The following CNTNAP2 variants were observed in gnomAD, a reference collection of about 807,000 sequenced individuals.
CNTNAP2 encodes contactin associated protein 2.
In CNTNAP2, 98 loss-of-function variants were observed where a neutral mutation model predicts 155.2. The ratio of observed to expected loss-of-function variants is 0.63; its 90% CI spans 0.54 to 0.75. The LOEUF is 0.75. Among genes scored for constraint, CNTNAP2 ranks in the 30% least tolerant of loss-of-function variants. The pLI, the probability that CNTNAP2 is intolerant of heterozygous loss-of-function variation, is 0.00. For synonymous variants in CNTNAP2, 651 were observed against 631.2 expected (o/e 1.03, Z -0.47); for missense variants, 1,727 against 1,688.1 (o/e 1.02, Z -0.40).
intron 9 of CNTNAP2, among the ~76,000 whole-genome samples, chr7:147,357,904 T>C (rs964490256): frequency 6.6e-6 from 1 of 152,098 alleles, no homozygotes; most frequent in Non-Finnish European, 1.5e-5. Context: ...GTAAATGTTA[T>C]TGAGAATGAA....
chr7:148,069,617 G>A (rs531637079), intron 15 of CNTNAP2, among the ~76,000 whole-genome samples: 13 of 152,032 alleles, frequency 8.6e-5, no homozygotes, highest in East Asian at 1.9e-4. Flanking sequence ...AAAATTAGCC[G>A]GGCATGGTGG....
intron 1 of CNTNAP2, among the ~76,000 whole-genome samples, chr7:146,633,955 C>T (rs1388003984): frequency 6.6e-6 from 1 of 151,420 alleles, no homozygotes; most frequent in Non-Finnish European, 1.5e-5. Flanking sequence ...TTGCTGCCAT[C>T]TGGCAGGCAG....
intron 3 of CNTNAP2, among the ~76,000 whole-genome samples, chr7:147,015,752 A>G (rs1798713575): frequency 6.6e-6 from 1 of 152,070 alleles, no homozygotes; most frequent in Admixed American, 6.6e-5. Flanking sequence ...TTTAAAAGAG[A>G]GGCCTCAGAT....
At chr7:146,892,488 GA>G (rs1253071805) in intron 3 of CNTNAP2, among the ~76,000 whole-genome samples, 4 of 152,174 alleles carry the variant, frequency 2.6e-5, no homozygotes, top group Admixed American at 2.0e-4. Context: ...AATTTATTAT[GA>G]TAATGTTATT....
At chr7:147,878,402 ATTAC>A (rs1190662580) in intron 13 of CNTNAP2, among the ~76,000 whole-genome samples, 1 of 144,036 alleles carries the variant, frequency 6.9e-6, no homozygotes, top group East Asian at 1.9e-4. Flanking sequence ...GACTTTGCTA[ATTAC>A]TTATGTTGTA....
At chr7:146,918,476 ATGTT>A (rs1191969583) in intron 3 of CNTNAP2, among the ~76,000 whole-genome samples, 2 of 152,130 alleles carry the variant, frequency 1.3e-5, no homozygotes, top group Non-Finnish European at 2.9e-5. Flanking sequence ...TTGCCTGACA[ATGTT>A]TGGTTTAACG....
intron 15 of CNTNAP2, among the ~76,000 whole-genome samples, chr7:148,112,226 AT>A (rs1161273836): frequency 7.9e-5 from 12 of 152,234 alleles, no homozygotes; most frequent in Non-Finnish European, 1.8e-4. Context: ...AATGAAAAAA[AT>A]AATTATGGAT....
In CNTNAP2 at chr7:148,149,024, TTCA is replaced by T. The variant is rs1352527053; in HGVS notation, c.2773+1319_2773+1321del. On this transcript the variant is annotated intron_variant, in intron 17 of 23. Transcript: ENST00000361727. The stretch of plus-strand genomic sequence containing the variant: ...GCTGAGCACAGTGAAGAAATTTCAC[TTCA>T]TCAACATGTGTGGCCCAGATTAGCT... Among the ~76,000 whole-genome samples, 16 of 150,758 alleles carry T rather than the reference TTCA, an allele frequency of 1.1e-4. No homozygotes were observed. In the East Asian group the frequency reaches 3.1e-3, roughly 29 times the overall value.
chr7:147,076,826 G>T (rs1479371102), intron 4 of CNTNAP2, among the ~76,000 whole-genome samples: 1 of 152,122 alleles, frequency 6.6e-6, no homozygotes, highest in African/African-American at 2.4e-5. Context: ...AAGAATGCAA[G>T]ATTTATAATT....
intron 1 of CNTNAP2, among the ~76,000 whole-genome samples, chr7:146,543,923 T>C (rs1273659079): frequency 1.3e-5 from 2 of 151,916 alleles, no homozygotes; most frequent in Non-Finnish European, 2.9e-5. Context: ...CATAGTCTAA[T>C]GAACCTCATT....
At chr7:146,262,695 A>T (rs116553142) in intron 1 of CNTNAP2, among the ~76,000 whole-genome samples, 6,886 of 152,280 alleles carry the variant, frequency 0.045, 552 homozygotes, top group African/African-American at 0.16. Context: ...GTTTAGTAAC[A>T]GTGTGAAAAT....
At chr7:147,992,364 G>A (rs868819402) in intron 15 of CNTNAP2, among the ~76,000 whole-genome samples, 15 of 152,052 alleles carry the variant, frequency 9.9e-5, no homozygotes, top group Admixed American at 3.3e-4. Flanking sequence ...TGCCCACCTC[G>A]GCCTCTCAAA....
chr7:146,450,192 T>C (rs1427339096), intron 1 of CNTNAP2, among the ~76,000 whole-genome samples: 1 of 152,238 alleles, frequency 6.6e-6, no homozygotes, highest in Non-Finnish European at 1.5e-5. Flanking sequence ...AACTTTGAGC[T>C]ATCTTAAAGC....
chr7:147,942,203 C>T (rs769311178), intron 14 of CNTNAP2, among the ~76,000 whole-genome samples: 11 of 152,170 alleles, frequency 7.2e-5, no homozygotes, highest in Non-Finnish European at 1.3e-4. Context: ...GTAATTGATG[C>T]ACTTGCCCCA....
intron 1 of CNTNAP2, among the ~76,000 whole-genome samples, chr7:146,387,047 C>T (rs1292894864): frequency 1.3e-5 from 2 of 152,238 alleles, no homozygotes; most frequent in South Asian, 2.1e-4. Context: ...ACAGTCCCCA[C>T]CCCTACCCTA....
intron 21 of CNTNAP2, among the ~76,000 whole-genome samples, chr7:148,349,403 C>CTTT (rs1457969528): frequency 3.5e-4 from 3 of 8,678 alleles, no homozygotes; most frequent in African/African-American, 7.9e-4. Context: ...CAAAAAAAAT[C>CTTT]TCTCTTTTTT....
intron 18 of CNTNAP2, among the ~76,000 whole-genome samples, chr7:148,196,255 A>G (rs1374691391): frequency 6.6e-6 from 1 of 152,246 alleles, no homozygotes; most frequent in East Asian, 1.9e-4. Flanking sequence ...AAGACTCAGC[A>G]TGGGAAACTA....
intron 1 of CNTNAP2, among the ~76,000 whole-genome samples, chr7:146,567,515 A>G (rs1052023464): frequency 6.6e-6 from 1 of 152,188 alleles, no homozygotes; most frequent in Non-Finnish European, 1.5e-5. Flanking sequence ...AAAACTTTAA[A>G]GTAGAATTAT....
chr7:147,121,126 C>A lies in CNTNAP2; in HGVS notation c.902C>A (p.Thr301Asn). The A allele has an allele frequency of 6.2e-7, 1 of 1,614,104 alleles. No individual in the cohort carries two copies. Among genetic ancestry groups the A allele is most frequent in the South Asian group, 1.1e-5 (1 of 91,078 alleles). ...GACAGGAGCATGCAGCACTTCCGTA[C>A]CAATGGAGAGTTTGACTACCTGGAC... ...TLDRSMQHFRTNGEFDYLDLD... is the reference protein window; with the variant it reads ...TLDRSMQHFRNNGEFDYLDLD... Residue 301 changes from threonine to asparagine, a missense_variant, in exon 6 of 24, where the codon ACC becomes AAC. Coordinates refer to ENST00000361727, the MANE Select transcript of CNTNAP2 (RefSeq NM_014141.6).
Sources: allele counts gnomAD v4.1 joint callset (sites outside exome capture counted in the v4.1 genomes callset), GRCh38; gene constraint gnomAD v4.1.1; transcripts MANE v1.5; gene names NCBI Gene and HGNC (gene_info 2026-07-23, HGNC 2026-07-21).